The following ACSL4 variants were observed in gnomAD, a reference collection of about 807,000 sequenced individuals.
ACSL4 encodes the protein long-chain-fatty-acid--CoA ligase 4.
Under a neutral mutation model 49.1 loss-of-function variants are expected in ACSL4, and 9 were observed. That is an observed-to-expected ratio of 0.18 (90% CI 0.11 to 0.32). The LOEUF is 0.32. ACSL4 is among the 10% of genes least tolerant of loss of function. ACSL4 has a pLI of 1.00. For synonymous variants in ACSL4, 191 were observed against 170.3 expected (o/e 1.12, Z -0.95); for missense variants, 333 against 493.7 (o/e 0.67, Z 3.08).
chrX:109,686,986 G>C, intron 2 of ACSL4, among the ~76,000 whole-genome samples: 1 of 112,061 alleles, frequency 8.9e-6, no homozygotes, highest in Non-Finnish European at 1.9e-5. Context: ...TGCTCTGGTA[G>C]AGGAGGCTAT....
rs1276946321 is a variant in ACSL4 at position 109,700,072 on chromosome X, G to A, written c.-65-3876C>T. Reference sequence around the variant, plus strand: ...AAAATACAAAAATTAGCCAGGCGTGGTGGTGGATGCCTGTAATCCTAGCTA... The same window carrying A: ...AAAATACAAAAATTAGCCAGGCGTGATGGTGGATGCCTGTAATCCTAGCTA... On this transcript the variant is annotated intron_variant, in intron 1 of 15. Coordinates refer to ENST00000672401, the MANE Select transcript of ACSL4 (RefSeq NM_001318510.2). 2.8e-5 allele frequency among the ~76,000 whole-genome samples: 3 copies of A among 108,698 alleles called. No homozygotes were observed. The Admixed American group carries it at 3.0e-4, about 11-fold the overall frequency. The allele number at this position is 108,698 out of a possible 115,157, so 94.4% of individuals were successfully genotyped here.
At chrX:109,684,560 G>A (rs1467688000) in intron 2 of ACSL4, among the ~76,000 whole-genome samples, 2 of 112,128 alleles carry the variant, frequency 1.8e-5, no homozygotes, top group Non-Finnish European at 3.8e-5. Context: ...CAGAATTCCC[G>A]GAATCCCAAC....
intron 1 of ACSL4, among the ~76,000 whole-genome samples, chrX:109,700,513 G>C (rs2147491568): frequency 9.3e-6 from 1 of 107,156 alleles, no homozygotes; most frequent in East Asian, 2.9e-4. Flanking sequence ...CTCCAGCCTG[G>C]GTGACAGAGT....
intron 15 of ACSL4, among the ~76,000 whole-genome samples, chrX:109,649,734 C>A (rs1452124499): frequency 1.0e-4 from 11 of 109,537 alleles, no homozygotes; most frequent in African/African-American, 3.7e-4. Flanking sequence ...TCAGAGTGAA[C>A]AGGCAACCTA....
chrX:109,644,808 G>C (rs759137659), intron 15 of ACSL4, among the ~76,000 whole-genome samples: 2 of 113,144 alleles, frequency 1.8e-5, no homozygotes, highest in Non-Finnish European at 3.7e-5. Context: ...AGTGGGCGCA[G>C]GTCAGTGGGT....
intron 15 of ACSL4, among the ~76,000 whole-genome samples, chrX:109,656,023 C>T (rs779728582): frequency 1.8e-4 from 20 of 110,802 alleles, no homozygotes; most frequent in South Asian, 3.8e-4. Flanking sequence ...CTACCCAAAC[C>T]GGCGAGTAAA....
At chrX:109,688,467 C>G (rs1300856590) in intron 2 of ACSL4, among the ~76,000 whole-genome samples, 1 of 111,829 alleles carries the variant, frequency 8.9e-6, no homozygotes, top group African/African-American at 3.3e-5. Context: ...AAAACATTCC[C>G]TCCTTTGCAT....
chrX:109,647,935 A>T (rs1203817183), intron 15 of ACSL4, among the ~76,000 whole-genome samples: 1 of 111,700 alleles, frequency 9.0e-6, no homozygotes, highest in Non-Finnish European at 1.9e-5. Context: ...AGAAATGGAT[A>T]AATTCCTGGA....
chrX:109,711,116 T>C (rs985863647), intron 1 of ACSL4, among the ~76,000 whole-genome samples: 2 of 113,001 alleles, frequency 1.8e-5, no homozygotes, highest in African/African-American at 6.4e-5. Flanking sequence ...TTTATTTTTG[T>C]AATAAACATG....
Position 109,713,618 on chromosome X carries a change from A to G in ACSL4, c.-65-17422T>C, listed in dbSNP as rs1434149897. On this transcript the variant is annotated intron_variant, in intron 1 of 15. Coordinates refer to ENST00000672401, the MANE Select transcript of ACSL4 (RefSeq NM_001318510.2). ...TTTCAAGTCGTTCAACATAATATAC[A>G]TACATTTAGAATCACTGGCTTATTG... Among the ~76,000 whole-genome samples, 3 of 111,713 alleles carry G rather than the reference A, an allele frequency of 2.7e-5. No homozygotes were observed. The Admixed American group carries it at 2.9e-4, about 11-fold the overall frequency.
At chrX:109,687,766 A>ATG (rs1924728669) in intron 2 of ACSL4, among the ~76,000 whole-genome samples, 1 of 112,035 alleles carries the variant, frequency 8.9e-6, no homozygotes, top group African/African-American at 3.2e-5. Context: ...CATCTGTAAA[A>ATG]CAGGAATACT....
At chrX:109,648,796 C>T (rs1445806867) in intron 15 of ACSL4, among the ~76,000 whole-genome samples, 1 of 100,464 alleles carries the variant, frequency 1.0e-5, no homozygotes, top group East Asian at 3.1e-4. Context: ...AGCCCAAAAT[C>T]TCCTTAAGCT....
At chrX:109,717,561 T>C (rs1385779419) in intron 1 of ACSL4, among the ~76,000 whole-genome samples, 1 of 111,531 alleles carries the variant, frequency 9.0e-6, no homozygotes, top group African/African-American at 3.3e-5. Context: ...CATCTTATGG[T>C]TTTCAGGGCT....
In ACSL4 at chrX:109,659,411, T is replaced by C; in HGVS notation, c.1798A>G (p.Asn600Asp). 8.3e-7 allele frequency: 1 copy of C among 1,209,279 alleles called. No homozygotes were observed. Among genetic ancestry groups the C allele is most frequent in the South Asian group, 1.8e-5 (1 of 56,933 alleles). Residue 600 changes from asparagine (N) to aspartate (D), a missense_variant, in exon 15 of 16, where the codon AAT becomes GAT. Physicochemically the swap from Asn to Asp is conservative, Grantham distance 23. Coordinates refer to ENST00000672401, the MANE Select transcript of ACSL4 (RefSeq NM_001318510.2). ...ATTTCAGCTTCCATAGCAGGATTAT[T>C]GCAGATATCAACCCAAGTTCCTTCT... ...GVEGTWVDIC[N>D]NPAMEAEILK... is the part of the protein sequence containing the mutation.
intron 1 of ACSL4, among the ~76,000 whole-genome samples, chrX:109,699,460 T>C (rs1012147754): frequency 1.8e-5 from 2 of 112,621 alleles, no homozygotes; most frequent in Non-Finnish European, 3.8e-5. Flanking sequence ...TGGTCCTTGA[T>C]AGGTCTTATT....
intron 1 of ACSL4, among the ~76,000 whole-genome samples, chrX:109,724,929 A>T (rs1449364705): frequency 3.7e-5 from 4 of 107,004 alleles, no homozygotes; most frequent in African/African-American, 6.8e-5. Flanking sequence ...ATAATAATAA[A>T]AATTTTCTGT....
intron 2 of ACSL4, among the ~76,000 whole-genome samples, chrX:109,689,674 A>G (rs754106361): frequency 8.9e-6 from 1 of 111,809 alleles, no homozygotes; most frequent in Admixed American, 9.5e-5. Flanking sequence ...TTACTCAAAG[A>G]ACACCTTCTC....
intron 1 of ACSL4, among the ~76,000 whole-genome samples, chrX:109,698,656 G>A (rs1427353215): frequency 9.0e-6 from 1 of 111,015 alleles, no homozygotes; most frequent in Non-Finnish European, 1.9e-5. Flanking sequence ...CAGCATCAAG[G>A]GTTTATCATC....
At chrX:109,731,592 AC>A (rs1928453368) in intron 1 of ACSL4, among the ~76,000 whole-genome samples, 3 of 109,626 alleles carry the variant, frequency 2.7e-5, no homozygotes, top group Admixed American at 1.9e-4. Flanking sequence ...AAAAAAAAAA[AC>A]CCACAAAATT....
Sources: allele counts gnomAD v4.1 joint callset (sites outside exome capture counted in the v4.1 genomes callset), GRCh38; gene constraint gnomAD v4.1.1; transcripts MANE v1.5; gene names NCBI Gene and HGNC (gene_info 2026-07-23, HGNC 2026-07-21).